The following LYPLAL1 variants were observed in gnomAD, a reference collection of about 807,000 sequenced individuals.
LYPLAL1 encodes the protein lysophospholipase like 1.
In LYPLAL1, 23 loss-of-function variants were observed where a neutral mutation model predicts 19.7. The ratio of observed to expected loss-of-function variants is 1.17; its 90% confidence interval spans 0.84 to 1.65. The LOEUF (loss-of-function observed/expected upper bound fraction) is 1.65, where lower values mean the gene tolerates loss of function less well. Ranked by LOEUF, LYPLAL1 falls within the 40% of genes most tolerant of loss-of-function variation. The pLI, the probability that LYPLAL1 is intolerant of heterozygous loss-of-function variation, is 0.00. For missense variants in LYPLAL1, 355 were observed against 279.4 expected (o/e 1.27, Z -1.93); for synonymous variants, 119 against 96.3 (o/e 1.24, Z -1.38).
At chr1:219,315,727 T>C in the LYPLAL1 span, among the ~76,000 whole-genome samples, 1 of 152,262 alleles carries the variant, frequency 6.6e-6, no homozygotes, top group East Asian at 1.9e-4. Context: ...CTGGTGATTA[T>C]AAATACTACA....
chr1:219,301,350 C>T, the LYPLAL1 span, among the ~76,000 whole-genome samples: 1 of 152,088 alleles, frequency 6.6e-6, no homozygotes, highest in Admixed American at 6.5e-5. Flanking sequence ...TCATGTCTGA[C>T]ATATAAACAT....
chr1:219,217,290 T>A (rs545687796), downstream of LYPLAL1, among the ~76,000 whole-genome samples: 1 of 152,200 alleles, frequency 6.6e-6, no homozygotes, highest in African/African-American at 2.4e-5. Context: ...GAAATCCAGA[T>A]TTTTTAATGA....
At chr1:219,362,598 T>C in the LYPLAL1 span, among the ~76,000 whole-genome samples, 1 of 152,014 alleles carries the variant, frequency 6.6e-6, no homozygotes, top group Non-Finnish European at 1.5e-5. Context: ...AACCCCAGAA[T>C]GGGGTACGGA....
downstream of LYPLAL1, among the ~76,000 whole-genome samples, chr1:219,216,105 A>G (rs997047880): frequency 2.6e-5 from 4 of 151,988 alleles, no homozygotes. Flanking sequence ...TTCATATCAG[A>G]TACTGTTCAT....
chr1:219,369,592 G>A, the LYPLAL1 span, among the ~76,000 whole-genome samples: 2 of 152,300 alleles, frequency 1.3e-5, no homozygotes, highest in South Asian at 2.1e-4. Context: ...AATATTTTAA[G>A]CCTTGTACGT....
At chr1:219,245,175 C>T in the LYPLAL1 span, among the ~76,000 whole-genome samples, 1 of 132,500 alleles carries the variant, frequency 7.5e-6, no homozygotes, top group African/African-American at 3.0e-5. Flanking sequence ...CCTCTTCCAT[C>T]CCTTCCTTCC....
chr1:219,183,305 G>A lies in LYPLAL1; in HGVS notation c.191+4059G>A, dbSNP rs1488473714. Among the ~76,000 whole-genome samples the A allele has an allele frequency of 3.3e-5, 5 of 152,072 alleles. No homozygotes were observed. In the East Asian group the frequency reaches 9.6e-4, roughly 29 times the overall value. ...CATCTTTTTCTATTGATTTGTTGGAGTTCTGTAGTTTTTTGGATACAGTTT... is the reference window on the plus strand; with the variant it reads ...CATCTTTTTCTATTGATTTGTTGGAATTCTGTAGTTTTTTGGATACAGTTT... On this transcript the variant is annotated intron_variant, in intron 2 of 4. Coordinates refer to ENST00000366928, the MANE Select transcript of LYPLAL1 (RefSeq NM_138794.5).
the LYPLAL1 span, among the ~76,000 whole-genome samples, chr1:219,375,490 TAAAAAAAAAA>T: frequency 2.7e-5 from 1 of 37,464 alleles, no homozygotes; most frequent in African/African-American, 1.0e-4. Context: ...AAACTCCTTC[TAAAAAAAAAA>T]AAAAAAAAAA....
the LYPLAL1 span, among the ~76,000 whole-genome samples, chr1:219,395,961 G>A: frequency 2.0e-5 from 3 of 151,938 alleles, no homozygotes; most frequent in Admixed American, 6.6e-5. Flanking sequence ...AAATTAGCCG[G>A]GCATGGTGGC....
the LYPLAL1 span, among the ~76,000 whole-genome samples, chr1:219,293,591 T>C: frequency 2.0e-5 from 3 of 152,248 alleles, no homozygotes; most frequent in African/African-American, 7.2e-5. Flanking sequence ...TCTTGTTTCC[T>C]ATGGCTGAAA....
rs753895132 is a variant in LYPLAL1, at chr1:219,179,207, T to G, written c.152T>G (p.Phe51Cys). ...CAGGTTTTAAATCAAGATTTAACAT[T>G]CCAACACATAAAAATTATTTATCCA... ...IKQVLNQDLT[F>C]QHIKIIYPTA... is the part of the protein sequence containing the mutation. The change falls in exon 2 of 5, where the codon TTC becomes TGC. Residue 51 changes from phenylalanine to cysteine, a missense_variant. Physicochemically the swap from Phe to Cys is radical, Grantham distance 205. Transcript: ENST00000366928. 5.6e-6 allele frequency: 9 copies of G among 1,612,598 alleles called. No individual in the cohort carries two copies. The highest frequency in any genetic ancestry group is 7.6e-6 in the Non-Finnish European group (9 of 1,179,314).
the LYPLAL1 span, among the ~76,000 whole-genome samples, chr1:219,219,073 A>G: frequency 6.6e-6 from 1 of 152,182 alleles, no homozygotes; most frequent in Non-Finnish European, 1.5e-5. Context: ...GGAAGTGTCT[A>G]GGACAGTGTT....
At chr1:219,211,377 C>A in intron 4 of LYPLAL1, 115 bp from the exon 5 acceptor site, 1 of 733,374 alleles carries the variant, frequency 1.4e-6, no homozygotes, top group Non-Finnish European at 2.3e-6. Flanking sequence ...CCTTTTTTTT[C>A]CCATTAGTTA....
At chr1:219,330,073 C>T in the LYPLAL1 span, among the ~76,000 whole-genome samples, 1 of 152,080 alleles carries the variant, frequency 6.6e-6, no homozygotes, top group Admixed American at 6.5e-5. Context: ...GTCACAAAAG[C>T]ATGTGAGTTT....
the LYPLAL1 span, among the ~76,000 whole-genome samples, chr1:219,338,490 A>C: frequency 6.6e-6 from 1 of 151,954 alleles, no homozygotes; most frequent in Non-Finnish European, 1.5e-5. Context: ...TAGAGACCTA[A>C]CTGATATAAT....
chr1:219,235,432 T>A, the LYPLAL1 span, among the ~76,000 whole-genome samples: 4 of 152,298 alleles, frequency 2.6e-5, no homozygotes, highest in African/African-American at 9.6e-5. Context: ...TTACAGGACA[T>A]AATTTAATTA....
At chr1:219,432,836 G>C in the LYPLAL1 span, among the ~76,000 whole-genome samples, 1 of 152,168 alleles carries the variant, frequency 6.6e-6, no homozygotes, top group Admixed American at 6.5e-5. Flanking sequence ...CTATGCACTG[G>C]TTACTTCAGC....
intron 2 of LYPLAL1, among the ~76,000 whole-genome samples, chr1:219,183,506 G>T (rs1656465335): frequency 6.6e-6 from 1 of 151,930 alleles, no homozygotes; most frequent in Non-Finnish European, 1.5e-5. Flanking sequence ...GAGAATTTTG[G>T]TAAAATTATG....
chr1:219,353,987 G>A, the LYPLAL1 span, among the ~76,000 whole-genome samples: 1 of 152,262 alleles, frequency 6.6e-6, no homozygotes, highest in Non-Finnish European at 1.5e-5. Flanking sequence ...ATCACTGTGT[G>A]TACATAATAA....
Sources: allele counts gnomAD v4.1 joint callset (sites outside exome capture counted in the v4.1 genomes callset), GRCh38; gene constraint gnomAD v4.1.1; transcripts MANE v1.5; gene names NCBI Gene and HGNC (gene_info 2026-07-23, HGNC 2026-07-21).